REV3L: variants seen among roughly 807,000 people sequenced by gnomAD.
REV3L encodes DNA polymerase zeta catalytic subunit.
Under a neutral mutation model 299.4 loss-of-function variants are expected in REV3L, and 69 were observed. The observed-to-expected ratio is 0.23, with a 90% CI of 0.19 to 0.28. The LOEUF (loss-of-function observed/expected upper bound fraction) is 0.28, where lower values mean the gene tolerates loss of function less well. REV3L is among the 10% of genes least tolerant of loss of function. The pLI, the probability that REV3L is intolerant of heterozygous loss-of-function variation, is 1.00. For missense variants in REV3L, 3,128 were observed against 3,693.8 expected (o/e 0.85, Z 3.97); for synonymous variants, 1,238 against 1,271.4 (o/e 0.97, Z 0.56).
intron 1 of REV3L, among the ~76,000 whole-genome samples, chr6:111,444,194 CT>C (rs1477211784): frequency 1.3e-5 from 2 of 152,166 alleles, no homozygotes; most frequent in Non-Finnish European, 2.9e-5. Context: ...AGAAAAGGAA[CT>C]GATTGCCCAT....
intron 1 of REV3L, among the ~76,000 whole-genome samples, chr6:111,416,801 A>C (rs1784811282): frequency 6.6e-6 from 1 of 152,204 alleles, no homozygotes; most frequent in Non-Finnish European, 1.5e-5. Flanking sequence ...GAAGGTTATA[A>C]GCACAGTGTT....
At chr6:111,303,061 CA>C (rs1771759065) in intron 31 of REV3L, among the ~76,000 whole-genome samples, 1 of 150,970 alleles carries the variant, frequency 6.6e-6, no homozygotes, top group Admixed American at 6.6e-5. Flanking sequence ...GTGGAAGGAT[CA>C]CTTTTTTTTT....
chr6:111,441,958 G>A (rs1213820231), intron 1 of REV3L, among the ~76,000 whole-genome samples: 1 of 152,170 alleles, frequency 6.6e-6, no homozygotes. Context: ...GTGTCCCGGG[G>A]GTGTGACCGT....
Position 111,374,981 on chromosome 6 carries a change from G to A in REV3L, c.3374C>T (p.Pro1125Leu). 6.2e-7 allele frequency: 1 copy of A among 1,612,552 alleles called. No individual in the cohort carries two copies. Among genetic ancestry groups the A allele is most frequent in the Non-Finnish European group, 8.5e-7 (1 of 1,179,502 alleles). ...ERSTSPINSS[P>L]PRCWSPTDPR... ...ATCTGTGGGAGACCAGCAGCGAGGTGGAGAAGAATTTATGGGACTTGTGCT... is the reference window on the plus strand; with the variant it reads ...ATCTGTGGGAGACCAGCAGCGAGGTAGAGAAGAATTTATGGGACTTGTGCT... The change falls in exon 13 of 32, where the codon CCA becomes CTA. Residue 1125 changes from proline (P) to leucine (L), a missense_variant. Pro to Leu is a moderately conservative substitution (Grantham distance 98). Around this residue, in one of 9 missense-constraint regions of REV3L, gnomAD observed 2,409 missense variants for 2,611.8 expected, o/e 0.92. Transcript: ENST00000368802.
intron 18 of REV3L, chr6:111,353,898 C>T (rs1461743597): frequency 6.6e-6 from 1 of 152,164 alleles, no homozygotes; most frequent in Non-Finnish European, 1.5e-5. Context: ...CCCTTTAAAA[C>T]TAACTGTGTA....
intron 31 of REV3L, among the ~76,000 whole-genome samples, chr6:111,306,639 G>C (rs1242706906): frequency 6.6e-6 from 1 of 152,118 alleles, no homozygotes; most frequent in Non-Finnish European, 1.5e-5. Flanking sequence ...TAAACTCTCT[G>C]TATCAGTTTA....
At chr6:111,436,508 T>C (rs1476594014) in intron 1 of REV3L, among the ~76,000 whole-genome samples, 1 of 152,140 alleles carries the variant, frequency 6.6e-6, no homozygotes, top group Admixed American at 6.5e-5. Context: ...AGTCATTATA[T>C]GTTAAGTGAA....
intron 25 of REV3L, among the ~76,000 whole-genome samples, chr6:111,327,553 CAAA>C (rs59319946): frequency 1.1e-4 from 8 of 70,542 alleles, no homozygotes; most frequent in Admixed American, 1.7e-4. Context: ...GACGCTGTTT[CAAA>C]AAAAAAAAAA....
intron 5 of REV3L, among the ~76,000 whole-genome samples, chr6:111,391,957 C>T (rs1473541835): frequency 6.6e-6 from 1 of 152,248 alleles, no homozygotes; most frequent in Non-Finnish European, 1.5e-5. Flanking sequence ...CCACTGACCT[C>T]CGGTCTGGGC....
At chr6:111,443,527 T>C (rs924436058) in intron 1 of REV3L, among the ~76,000 whole-genome samples, 17 of 152,220 alleles carry the variant, frequency 1.1e-4, no homozygotes, top group African/African-American at 3.6e-4. Flanking sequence ...ATCAATCTGA[T>C]TGTTTTGAGC....
At chr6:111,453,323 A>C (rs1005333406) in intron 1 of REV3L, among the ~76,000 whole-genome samples, 1 of 152,216 alleles carries the variant, frequency 6.6e-6, no homozygotes, top group Non-Finnish European at 1.5e-5. Flanking sequence ...TCACACATAT[A>C]TATCAACTGG....
chr6:111,466,231 T>C (rs573211592), intron 1 of REV3L, among the ~76,000 whole-genome samples: 258 of 152,300 alleles, frequency 1.7e-3, no homozygotes, highest in Admixed American at 2.6e-3. Flanking sequence ...ACAAATAATT[T>C]GAAAAGCACT....
At chr6:111,371,624 C>T (rs1382594285) in intron 13 of REV3L, among the ~76,000 whole-genome samples, 5 of 150,580 alleles carry the variant, frequency 3.3e-5, no homozygotes, top group African/African-American at 4.9e-5. Flanking sequence ...AGTGCAGTGG[C>T]GTGATCTCAG....
chr6:111,434,884 T>C (rs1255643033), intron 1 of REV3L, among the ~76,000 whole-genome samples: 1 of 152,062 alleles, frequency 6.6e-6, no homozygotes, highest in African/African-American at 2.4e-5. Flanking sequence ...TACTCCATGC[T>C]CATGGATTAG....
intron 1 of REV3L, among the ~76,000 whole-genome samples, chr6:111,466,469 T>C (rs1299821655): frequency 6.6e-6 from 1 of 152,196 alleles, no homozygotes; most frequent in Non-Finnish European, 1.5e-5. Flanking sequence ...TCCTATCAGT[T>C]TAATACCAGC....
chr6:111,355,784 A>C (rs1778024119), intron 18 of REV3L, among the ~76,000 whole-genome samples: 1 of 152,190 alleles, frequency 6.6e-6, no homozygotes, highest in Non-Finnish European at 1.5e-5. Flanking sequence ...TGCTTGCAGA[A>C]ATAAAAGAAG....
intron 22 of REV3L, 97 bp downstream of exon 22, chr6:111,335,372 C>T (rs1370532454): frequency 7.5e-6 from 10 of 1,340,538 alleles, no homozygotes; most frequent in Non-Finnish European, 5.0e-6. Flanking sequence ...TTAGTTGGTA[C>T]CAAACAGAAA....
chr6:111,443,336 C>T (rs1342959446), intron 1 of REV3L, among the ~76,000 whole-genome samples: 1 of 151,862 alleles, frequency 6.6e-6, no homozygotes, highest in African/African-American at 2.4e-5. Flanking sequence ...TTAGTAGAGA[C>T]GAGGTTTCAC....
chr6:111,410,255 A>C (rs958012565), intron 3 of REV3L, among the ~76,000 whole-genome samples: 29 of 152,256 alleles, frequency 1.9e-4, no homozygotes, highest in African/African-American at 6.8e-4. Flanking sequence ...TGAATCCATT[A>C]ATAAATCAGG....
Sources: allele counts gnomAD v4.1 joint callset (sites outside exome capture counted in the v4.1 genomes callset), GRCh38; gene constraint gnomAD v4.1.1; regional missense constraint gnomAD v4.1.1; transcripts MANE v1.5; gene names NCBI Gene and HGNC (gene_info 2026-07-23, HGNC 2026-07-21).